The following COL5A2 variants were observed in gnomAD, a reference collection of about 807,000 sequenced individuals.
COL5A2 encodes collagen type V alpha 2 chain.
A neutral mutation model predicts 208.2 loss-of-function variants in COL5A2; 23 were observed. The ratio of observed to expected loss-of-function variants is 0.11; its 90% confidence interval spans 0.08 to 0.16. The LOEUF (loss-of-function observed/expected upper bound fraction) is 0.16, where lower values mean the gene tolerates loss of function less well. Ranked by LOEUF, COL5A2 falls within the 10% of genes least tolerant of loss-of-function variation. The pLI, the probability that COL5A2 is intolerant of heterozygous loss-of-function variation, is 1.00. For synonymous variants in COL5A2, 625 were observed against 628.5 expected, an observed-to-expected ratio of 0.99 and a Z score of 0.08; for missense variants, 1,590 against 1,956.4, an observed-to-expected ratio of 0.81 and a Z score of 3.53.
rs1448974578 is a variant in COL5A2 at position 189,033,823 on chromosome 2, A to G, written c.*247T>C. The G allele has an allele frequency of 1.9e-6, 1 of 538,766 alleles. No homozygotes were observed. Among genetic ancestry groups the G allele is most frequent in the Non-Finnish European group, 3.3e-6 (1 of 301,774 alleles). 33.4% of individuals were successfully genotyped at this position (538,766 alleles called of 1,614,324 possible). A position where few individuals can be genotyped will look rare whatever the true frequency, so the allele number is the denominator to read the frequency against. On this transcript the variant is annotated 3_prime_UTR_variant, in exon 54 of 54. Transcript: ENST00000374866. Reference sequence around the variant, plus strand: ...ACTTTCTGCAAAGGTGGTCATTGTCATTGGTCATCTTAAACCTAAACTGTT... The same window carrying G: ...ACTTTCTGCAAAGGTGGTCATTGTCGTTGGTCATCTTAAACCTAAACTGTT...
chr2:189,375,999 T>C, the COL5A2 span, among the ~76,000 whole-genome samples: 262 of 152,358 alleles, frequency 1.7e-3, no homozygotes, highest in Admixed American at 5.2e-3. Context: ...CTTTCTGCCA[T>C]GCATGGTGAC....
At chr2:189,329,903 A>G in the COL5A2 span, among the ~76,000 whole-genome samples, 1 of 151,746 alleles carries the variant, frequency 6.6e-6, no homozygotes. Flanking sequence ...CTACCAAATA[A>G]TGGTTGTTTT....
At chr2:189,051,098 T>A (rs538359470) in intron 42 of COL5A2, among the ~76,000 whole-genome samples, 2 of 152,178 alleles carry the variant, frequency 1.3e-5, no homozygotes, top group African/African-American at 4.8e-5. Context: ...TAACAAATAA[T>A]TTTTTTGGGT....
Position 189,058,474 on chromosome 2 carries a change from A to T in COL5A2, c.2184T>A (p.Pro728=). The T allele has an allele frequency of 6.2e-7, 1 of 1,614,044 alleles. No individual in the cohort carries two copies. Among genetic ancestry groups the T allele is most frequent in the Non-Finnish European group, 8.5e-7 (1 of 1,179,960 alleles). ...GTCCTCCAGCCATTCCCTTCTCACC[A>T]GGGAGTCCAGTTATCCCAGGTTCTC... ...ERGEPGITGL[P]GEKGMAGGHG... is the part of the protein sequence containing the mutation. The change falls in exon 33 of 54, where the codon CCT becomes CCA. Residue 728 remains proline, a synonymous_variant. Coordinates refer to ENST00000374866, the MANE Select transcript of COL5A2 (RefSeq NM_000393.5).
intron 1 of COL5A2, among the ~76,000 whole-genome samples, chr2:189,199,445 T>C (rs982479058): frequency 2.0e-5 from 3 of 152,112 alleles, no homozygotes; most frequent in South Asian, 2.1e-4. Flanking sequence ...CAATAACATA[T>C]AAAAATGTCC....
chr2:189,209,261 T>A (rs371520778), intron 1 of COL5A2, among the ~76,000 whole-genome samples: 4 of 152,144 alleles, frequency 2.6e-5, no homozygotes, highest in African/African-American at 9.7e-5. Flanking sequence ...TGACATAACC[T>A]CTTTACTGTG....
chr2:189,320,288 C>T, the COL5A2 span, among the ~76,000 whole-genome samples: 3 of 152,218 alleles, frequency 2.0e-5, no homozygotes, highest in Non-Finnish European at 4.4e-5. Context: ...TGCAGCTCCT[C>T]ACCAGCAACA....
At chr2:189,209,832 G>A (rs1369212717) in intron 1 of COL5A2, among the ~76,000 whole-genome samples, 2 of 152,154 alleles carry the variant, frequency 1.3e-5, no homozygotes, top group Non-Finnish European at 2.9e-5. Context: ...ATTCAGTTTT[G>A]AATATTTTGA....
intron 14 of COL5A2, 114 bp from the exon 15 acceptor site, chr2:189,079,221 A>C: frequency 1.2e-6 from 1 of 820,164 alleles, no homozygotes; most frequent in Non-Finnish European, 2.1e-6. Context: ...TGAAAGATGT[A>C]CTTTTGATAT....
chr2:189,121,593 A>C (rs1287079630), intron 1 of COL5A2, among the ~76,000 whole-genome samples: 1 of 151,986 alleles, frequency 6.6e-6, no homozygotes, highest in African/African-American at 2.4e-5. Context: ...TTTGTTGCCG[A>C]TGACTAACTC....
the COL5A2 span, among the ~76,000 whole-genome samples, chr2:189,387,813 T>C: frequency 4.6e-5 from 7 of 152,280 alleles, no homozygotes; most frequent in Non-Finnish European, 7.4e-5. Context: ...TTTTATATAC[T>C]AGTAATCTTA....
At chr2:189,365,758 T>C in the COL5A2 span, among the ~76,000 whole-genome samples, 1 of 152,222 alleles carries the variant, frequency 6.6e-6, no homozygotes, top group Non-Finnish European at 1.5e-5. Context: ...CTCCATATTA[T>C]CTTGTCTACA....
At chr2:189,424,931 A>C in the COL5A2 span, among the ~76,000 whole-genome samples, 1 of 152,218 alleles carries the variant, frequency 6.6e-6, no homozygotes, top group Non-Finnish European at 1.5e-5. Context: ...CTAGTAACCC[A>C]ACAGCCGTGG....
chr2:189,132,689 G>A lies in COL5A2; in HGVS notation c.98-22240C>T, dbSNP rs192028240. On this transcript the variant is annotated intron_variant, in intron 1 of 53. Coordinates refer to ENST00000374866, the MANE Select transcript of COL5A2 (RefSeq NM_000393.5). ...TAATCCCAGCACTTTGGAAAGCCGAGGTGGGTGGATCACTCAAGGTCAGGA... is the reference window on the plus strand; with the variant it reads ...TAATCCCAGCACTTTGGAAAGCCGAAGTGGGTGGATCACTCAAGGTCAGGA... 9.7e-4 allele frequency among the ~76,000 whole-genome samples: 147 copies of A among 152,256 alleles called. 1 individual carries two copies. The highest frequency in any genetic ancestry group is 7.6e-3 in the Admixed American group (116 of 15,300).
chr2:189,065,935 C>G (rs1682696866), intron 23 of COL5A2, among the ~76,000 whole-genome samples: 1 of 152,210 alleles, frequency 6.6e-6, no homozygotes, highest in Non-Finnish European at 1.5e-5. Context: ...GATCCTCTTT[C>G]CTAACCACCT....
the COL5A2 span, among the ~76,000 whole-genome samples, chr2:189,426,682 T>A: frequency 1.3e-5 from 2 of 152,178 alleles, no homozygotes; most frequent in African/African-American, 2.4e-5. Flanking sequence ...TTCACAAACT[T>A]CAGTAAAGGT....
At chr2:189,111,507 C>T (rs546633407) in intron 1 of COL5A2, among the ~76,000 whole-genome samples, 1 of 152,238 alleles carries the variant, frequency 6.6e-6, no homozygotes, top group African/African-American at 2.4e-5. Flanking sequence ...TTCCTTCATC[C>T]CAGGCCCACA....
the COL5A2 span, among the ~76,000 whole-genome samples, chr2:189,408,064 T>A: frequency 6.6e-6 from 1 of 152,160 alleles, no homozygotes; most frequent in East Asian, 1.9e-4. Context: ...TACCTGGCCA[T>A]CCTTGACCTA....
the COL5A2 span, among the ~76,000 whole-genome samples, chr2:189,390,514 G>A: frequency 1.3e-5 from 2 of 152,100 alleles, no homozygotes; most frequent in Non-Finnish European, 1.5e-5. Context: ...TATGAAATAT[G>A]GTTGCTGCTG....
Sources: allele counts gnomAD v4.1 joint callset (sites outside exome capture counted in the v4.1 genomes callset), GRCh38; gene constraint gnomAD v4.1.1; transcripts MANE v1.5; gene names NCBI Gene and HGNC (gene_info 2026-07-23, HGNC 2026-07-21).